The following CHRDL2 variants were observed in gnomAD, a reference collection of about 807,000 sequenced individuals.
CHRDL2 encodes chordin-like protein 2.
In CHRDL2, 41 loss-of-function variants were observed where a neutral mutation model predicts 54.3. The observed-to-expected ratio is 0.76, with a 90% CI of 0.59 to 0.98. CHRDL2 has a LOEUF of 0.98. Among genes scored for constraint, CHRDL2 ranks in the 50% least tolerant of loss-of-function variants. The probability of loss-of-function intolerance (pLI) is 0.00; values close to 1 mark genes in which losing one functional copy is unlikely to be tolerated. For missense variants in CHRDL2, 518 were observed against 562.4 expected (o/e 0.92, Z 0.80); for synonymous variants, 220 against 224.3 (o/e 0.98, Z 0.17).
At position 74,730,844 on chromosome 11, in the gene CHRDL2, C is replaced by T. The variant is rs774968508; in HGVS notation, c.45G>A (p.Ala15=). ...GGGAGTCCAGGGGGAACCAGAGCAG[C>T]GCGAGTCCCAGCAAGGAGGAGAGGA... The part of the protein sequence containing the change: ...VRVLSSLLGL[A]LLWFPLDSHA... Residue 15 remains alanine (A), a synonymous_variant, in exon 1 of 11, where the codon GCG becomes GCA. Transcript: ENST00000376332. 13 of 1,612,946 alleles carry T rather than the reference C, an allele frequency of 8.1e-6. No homozygotes were observed. Among genetic ancestry groups the T allele is most frequent in the Non-Finnish European group, 1.1e-5 (13 of 1,179,694 alleles).
At chr11:74,720,984 GC>G (rs1325114591) in intron 1 of CHRDL2, among the ~76,000 whole-genome samples, 1 of 152,214 alleles carries the variant, frequency 6.6e-6, no homozygotes, top group Non-Finnish European at 1.5e-5. Flanking sequence ...TTCGAGGGTC[GC>G]TGAGAGTAGG....
In CHRDL2 at chr11:74,730,826, CA is replaced by C. The variant is rs759446877; in HGVS notation, c.62del (p.Leu21ArgfsTer35). On this transcript the variant is annotated frameshift_variant, in exon 1 of 11. Coordinates refer to ENST00000376332, the MANE Select transcript of CHRDL2 (RefSeq NM_001278473.3). LOFTEE classifies it high-confidence loss of function. ...ACTTACGGGCTCGAGCGTGGGAGTC[CA>C]GGGGGAACCAGAGCAGCGCGAGTCC... is the stretch of plus-strand genomic sequence containing the variant. ...LLGLALLWFP[L>X]DSHARARPDM... is the part of the protein sequence containing the mutation. The C allele has an allele frequency of 1.9e-6, 3 of 1,612,382 alleles. No individual in the cohort carries two copies. Among genetic ancestry groups the C allele is most frequent in the African/African-American group, 1.3e-5 (1 of 75,022 alleles).
At chr11:74,699,749 A>G (rs1422021880) in intron 9 of CHRDL2, 1 of 152,284 alleles carries the variant, frequency 6.6e-6, no homozygotes, top group East Asian at 1.9e-4. Context: ...CTGCCTGCTC[A>G]CTTTGTTTCC....
At chr11:74,711,303 C>T (rs575649294) in intron 3 of CHRDL2, among the ~76,000 whole-genome samples, 8 of 152,284 alleles carry the variant, frequency 5.3e-5, no homozygotes, top group East Asian at 3.9e-4. Context: ...CAGTGGGGCC[C>T]GAGTTAGTTC....
At chr11:74,706,411 G>A in intron 6 of CHRDL2, 76 bp downstream of exon 6, 1 of 1,421,772 alleles carries the variant, frequency 7.0e-7, no homozygotes, top group Non-Finnish European at 9.9e-7. Context: ...GGTATTGCCT[G>A]CCCCAGAGTC....
At chr11:74,714,233 A>G (rs572463342) in intron 2 of CHRDL2, among the ~76,000 whole-genome samples, 1 of 152,118 alleles carries the variant, frequency 6.6e-6, no homozygotes, top group South Asian at 2.1e-4. Context: ...GTGATGAACC[A>G]TTTACACCTG....
chr11:74,724,871 G>T (rs1269331136), intron 1 of CHRDL2, among the ~76,000 whole-genome samples: 7 of 152,218 alleles, frequency 4.6e-5, no homozygotes, highest in African/African-American at 1.7e-4. Context: ...TTGTGCTCAA[G>T]GTAGAGCCTA....
At chr11:74,697,162 C>T (rs2033625121) in intron 10 of CHRDL2, 43 bp downstream of exon 10, 2 of 1,520,476 alleles carry the variant, frequency 1.3e-6, no homozygotes, top group Non-Finnish European at 1.8e-6. Flanking sequence ...CGTGTCCTTG[C>T]CTTCTTCCTG....
Position 74,696,589 on chromosome 11 carries a change from C to A in CHRDL2, c.1214-4G>T. On this transcript the variant is annotated splice_polypyrimidine_tract_variant and splice_region_variant and intron_variant, in intron 10 of 10. Transcript: ENST00000376332. ...GCTAGGAAGACGTTCCAGTGACCTG[C>A]ATGGAGGAGGGCAGAAGAGGGAAGA... is the stretch of plus-strand genomic sequence containing the variant. 6.2e-7 allele frequency: 1 copy of A among 1,611,344 alleles called. No individual in the cohort carries two copies. Among genetic ancestry groups the A allele is most frequent in the Non-Finnish European group, 8.5e-7 (1 of 1,177,940 alleles).
chr11:74,708,308 A>G lies in CHRDL2; in HGVS notation c.520T>C (p.Cys174Arg). The change falls in exon 5 of 11, where the codon TGC becomes CGC. Residue 174 changes from cysteine (C) to arginine (R), a missense_variant. By Grantham distance (180) the Cys-to-Arg change is radical. Transcript: ENST00000376332. Reference protein sequence around the residue: ...LPLPDSCCQACKDEASEQSDE... With the variant: ...LPLPDSCCQARKDEASEQSDE... ...GATGGAGGGACAGACTCACCTTTGC[A>G]GGCCTGGCAGCAGGAGTCTGGCAGC... The G allele has an allele frequency of 6.3e-7, 1 of 1,575,780 alleles. No individual in the cohort carries two copies.
At chr11:74,703,540 A>C (rs769903702) in intron 7 of CHRDL2, 41 bp from the exon 8 acceptor site, 1 of 1,493,116 alleles carries the variant, frequency 6.7e-7, no homozygotes, top group South Asian at 1.3e-5. Flanking sequence ...TCAGGGCCTC[A>C]GACCTGGCCA....
intron 2 of CHRDL2, among the ~76,000 whole-genome samples, chr11:74,717,048 C>T (rs1355700522): frequency 1.4e-4 from 21 of 152,034 alleles, no homozygotes; most frequent in Admixed American, 9.8e-4. Flanking sequence ...GAGCTGAGAT[C>T]GCACCACTGC....
chr11:74,706,450 C>A, intron 6 of CHRDL2, 37 bp downstream of exon 6: 2 of 1,607,898 alleles, frequency 1.2e-6, no homozygotes, highest in Non-Finnish European at 1.7e-6. Context: ...ATCCCAGCCC[C>A]CTGTCCCGCA....
chr11:74,703,543 C>CCTG, intron 7 of CHRDL2, 44 bp from the exon 8 acceptor site: 1 of 1,491,774 alleles, frequency 6.7e-7, no homozygotes, highest in Non-Finnish European at 9.0e-7. Context: ...GGGCCTCAGA[C>CCTG]CTGGCCAGGG....
chr11:74,709,569 C>T (rs1056222171), intron 4 of CHRDL2, among the ~76,000 whole-genome samples: 1 of 152,192 alleles, frequency 6.6e-6, no homozygotes, highest in East Asian at 1.9e-4. Context: ...TAATTGCTTA[C>T]TAGGTTGATT....
chr11:74,704,570 G>A lies in CHRDL2; in HGVS notation c.667C>T (p.Leu223=). 1 of 1,588,184 alleles carries A rather than the reference G, an allele frequency of 6.3e-7. No individual in the cohort carries two copies. The change falls in exon 7 of 11, where the codon CTG becomes TTG. Residue 223 remains leucine, a synonymous_variant. Coordinates refer to ENST00000376332, the MANE Select transcript of CHRDL2 (RefSeq NM_001278473.3). ...TPAPTGLSAP[L]SFIPRHFRPK... is the part of the protein sequence containing the mutation. ...CTGAAGTGGCGAGGGATGAAGCTCA[G>A]AGGGGCGCTGAGGCCAGTGGGGGCT...
At chr11:74,697,389 A>G (rs1217661190) in intron 9 of CHRDL2, 92 bp from the exon 10 acceptor site, 4 of 833,228 alleles carry the variant, frequency 4.8e-6, no homozygotes, top group East Asian at 2.4e-5. Context: ...AACGGACCCA[A>G]TCACTCCCTC....
chr11:74,730,652 C>G (rs1460314834), intron 1 of CHRDL2, among the ~76,000 whole-genome samples, 155 bp downstream of exon 1: 1 of 152,218 alleles, frequency 6.6e-6, no homozygotes, highest in Admixed American at 6.5e-5. Context: ...TCCGGTCCCC[C>G]GGCCCATACT....
At chr11:74,701,565 G>A (rs1334223949) in intron 9 of CHRDL2, 1 of 715,752 alleles carries the variant, frequency 1.4e-6, no homozygotes, top group Admixed American at 2.0e-5. Flanking sequence ...CACAAGACAT[G>A]GGCTCTAGCT....
Sources: allele counts gnomAD v4.1 joint callset (sites outside exome capture counted in the v4.1 genomes callset), GRCh38; gene constraint gnomAD v4.1.1; transcripts MANE v1.5; gene names NCBI Gene and HGNC (gene_info 2026-07-23, HGNC 2026-07-21).